ATP6V1E2: variants seen among roughly 807,000 people sequenced by gnomAD.
The protein encoded by ATP6V1E2 is ATPase H+ transporting V1 subunit E2, also known as V-type proton ATPase subunit E 2.
For synonymous variants in ATP6V1E2, 121 were observed against 104.2 expected (o/e 1.16, Z -0.98); for missense variants, 308 against 273.3 (o/e 1.13, Z -0.90).
rs1667417378 is a variant in ATP6V1E2 at position 46,535,834 on chromosome 2, C to G, written c.-123G>C. On this transcript the variant is annotated 5_prime_UTR_variant, in exon 4 of 5. Transcript: ENST00000522587. The surrounding 1 kb of genome is among the most constrained non-coding windows in gnomAD (Gnocchi z 4.4). ...TCACCATGTAGAAGATTCTTCAAAC[C>G]CAAAATGTGGTTCTGATGTCCAGTG... The G allele has an allele frequency of 6.6e-6, 1 of 152,218 alleles. No individual in the cohort carries two copies. Among genetic ancestry groups the G allele is most frequent in the Admixed American group, 6.5e-5 (1 of 15,294 alleles). The allele number at this position is 152,218 out of a possible 1,614,324, so 9.4% of individuals were successfully genotyped here.
At chr2:46,527,604 TG>T (rs750292031) in intron 4 of ATP6V1E2, among the ~76,000 whole-genome samples, 2 of 152,064 alleles carry the variant, frequency 1.3e-5, no homozygotes, top group Non-Finnish European at 2.9e-5. Context: ...TGGCCTCAAG[TG>T]ATCCTCCCCT....
At chr2:46,527,584 C>A (rs942108932) in intron 4 of ATP6V1E2, among the ~76,000 whole-genome samples, 4 of 151,982 alleles carry the variant, frequency 2.6e-5, no homozygotes, top group African/African-American at 7.3e-5. Context: ...CCAGGCTGGT[C>A]TTGAACTTTT....
rs199538504 is a variant in ATP6V1E2, at chr2:46,516,270, CAT to C, written c.-101-3460_-101-3459del. ...ATGGAACAGTCTTTAGGACAGATCA[CAT>C]GTTAGGTTATAAAACGAATCTCAAT... On this transcript the variant is annotated intron_variant, in intron 4 of 4. Transcript: ENST00000522587. 2.3e-3 allele frequency among the ~76,000 whole-genome samples: 354 copies of C among 152,324 alleles called. 3 individuals are homozygous for C. The highest frequency in any genetic ancestry group is 8.1e-3 in the African/African-American group (338 of 41,564).
rs549025385 is a variant in ATP6V1E2 at position 46,524,443 on chromosome 2, T to C, written c.-102+11370A>G. ...GGAAAATGTAGAAAGTTGGTAGTAT[T>C]TATTAAGCAGAATTTATCCAAATAG... On this transcript the variant is annotated intron_variant, in intron 4 of 4. Coordinates refer to ENST00000522587, the MANE Select transcript of ATP6V1E2 (RefSeq NM_001318063.2). Among the ~76,000 whole-genome samples, 12 of 152,354 alleles carry C rather than the reference T, an allele frequency of 7.9e-5. No individual in the cohort carries two copies. The East Asian group carries it at 1.9e-3, about 24-fold the overall frequency.
intron 2 of ATP6V1E2, among the ~76,000 whole-genome samples, chr2:46,538,505 G>A (rs28758711): frequency 6.8e-6 from 1 of 147,436 alleles, no homozygotes; most frequent in South Asian, 2.2e-4. Flanking sequence ...AAAAAAAAAA[G>A]GGGAAGATTT....
chr2:46,512,750 C>A lies in ATP6V1E2; in HGVS notation c.-39G>T. The A allele has an allele frequency of 6.4e-7, 1 of 1,552,594 alleles. No individual in the cohort carries two copies. The highest frequency in any genetic ancestry group is 8.7e-7 in the Non-Finnish European group (1 of 1,149,836). ...GGGGACGGCAGAGAGGGAGCTCGTACACCGTTTGGCTCCTTTGACTTAGGA... is the reference window on the plus strand; with the variant it reads ...GGGGACGGCAGAGAGGGAGCTCGTAAACCGTTTGGCTCCTTTGACTTAGGA... On this transcript the variant is annotated 5_prime_UTR_variant, in exon 5 of 5. Coordinates refer to ENST00000522587, the MANE Select transcript of ATP6V1E2 (RefSeq NM_001318063.2).
At chr2:46,533,933 A>G (rs775545304) in intron 4 of ATP6V1E2, among the ~76,000 whole-genome samples, 3 of 152,116 alleles carry the variant, frequency 2.0e-5, no homozygotes, top group East Asian at 1.9e-4. Flanking sequence ...GAAGTCTGCA[A>G]TTATATCTGT....
chr2:46,525,672 G>C (rs909377741), intron 4 of ATP6V1E2, among the ~76,000 whole-genome samples: 1 of 152,076 alleles, frequency 6.6e-6, no homozygotes, highest in Admixed American at 6.5e-5. Flanking sequence ...TTTATTCCAA[G>C]AACTCCACTC....
At position 46,533,073 on chromosome 2, in the gene ATP6V1E2, T is replaced by TTA. The variant is rs541930267; in HGVS notation, c.-102+2738_-102+2739dup. Among the ~76,000 whole-genome samples the TTA allele has an allele frequency of 4.9e-3, 725 of 148,956 alleles. 4 individuals carry two copies. Among genetic ancestry groups the TTA allele is most frequent in the Non-Finnish European group, 7.6e-3 (514 of 67,318 alleles). On this transcript the variant is annotated intron_variant, in intron 4 of 4. Coordinates refer to ENST00000522587, the MANE Select transcript of ATP6V1E2 (RefSeq NM_001318063.2). ...TCAATTGTGTTTTTTATTTTTTTAA[T>TTA]TATATATATATATCTAACATTATAT...
chr2:46,532,024 A>C (rs937197777), intron 4 of ATP6V1E2, among the ~76,000 whole-genome samples: 1 of 152,158 alleles, frequency 6.6e-6, no homozygotes, highest in African/African-American at 2.4e-5. Context: ...TGAAGCAGAA[A>C]AGTTTTGTAA....
At chr2:46,518,490 A>ACACACACACAC (rs1471974728) in intron 4 of ATP6V1E2, among the ~76,000 whole-genome samples, 18 of 141,014 alleles carry the variant, frequency 1.3e-4, no homozygotes, top group Admixed American at 1.0e-3. Context: ...ACACACACAC[A>ACACACACACAC]ACACACACAC....
chr2:46,533,510 G>A (rs1327630394), intron 4 of ATP6V1E2, among the ~76,000 whole-genome samples: 1 of 152,152 alleles, frequency 6.6e-6, no homozygotes. Context: ...TCCAGCTCAA[G>A]CAATATACCT....
intron 2 of ATP6V1E2, chr2:46,537,704 A>G (rs1249058421): frequency 2.0e-5 from 3 of 152,210 alleles, no homozygotes; most frequent in Non-Finnish European, 2.9e-5. Flanking sequence ...GTTCGAGTTG[A>G]ATTTTCTATG....
rs1324083032 is a variant in ATP6V1E2 at position 46,512,006 on chromosome 2, A to T, written c.*25T>A. The T allele has an allele frequency of 2.0e-6, 3 of 1,537,592 alleles. No homozygotes were observed. In the African/African-American group the frequency reaches 4.2e-5, roughly 21 times the overall value. On this transcript the variant is annotated 3_prime_UTR_variant, in exon 5 of 5. Coordinates refer to ENST00000522587, the MANE Select transcript of ATP6V1E2 (RefSeq NM_001318063.2). Reference sequence around the variant, plus strand: ...TTAAACTTTTATGGTTTAGTGGTTCAACACTAGCTTCACTTCCCAGAGGCT... The same window carrying T: ...TTAAACTTTTATGGTTTAGTGGTTCTACACTAGCTTCACTTCCCAGAGGCT...
chr2:46,524,287 C>G (rs182621809), intron 4 of ATP6V1E2, among the ~76,000 whole-genome samples: 51 of 152,042 alleles, frequency 3.4e-4, no homozygotes, highest in African/African-American at 1.1e-3. Context: ...TGGGTAACAA[C>G]AGAACACCAA....
chr2:46,522,930 G>C (rs6544899), intron 4 of ATP6V1E2, among the ~76,000 whole-genome samples: 134,647 of 152,184 alleles, frequency 0.88, 59,600 homozygotes, highest in Middle Eastern at 0.92. Flanking sequence ...TAATAATTGC[G>C]ATTCTGACTG....
chr2:46,540,522 A>C (rs1351917556), intron 2 of ATP6V1E2, among the ~76,000 whole-genome samples: 1 of 151,774 alleles, frequency 6.6e-6, no homozygotes, highest in Non-Finnish European at 1.5e-5. Flanking sequence ...GCACAAATAA[A>C]AGGAGAGAAG....
At chr2:46,532,415 T>G (rs1016463482) in intron 4 of ATP6V1E2, among the ~76,000 whole-genome samples, 6 of 152,098 alleles carry the variant, frequency 3.9e-5, no homozygotes, top group Non-Finnish European at 7.4e-5. Context: ...ATGTATGTAT[T>G]TATTTATTTA....
chr2:46,537,557 C>T (rs1363329062), intron 2 of ATP6V1E2: 1 of 150,992 alleles, frequency 6.6e-6, no homozygotes, highest in Non-Finnish European at 1.5e-5. Context: ...AGAAAGTTGA[C>T]TCATAGAGAA....
Sources: allele counts gnomAD v4.1 joint callset (sites outside exome capture counted in the v4.1 genomes callset), GRCh38; gene constraint gnomAD v4.1.1; non-coding constraint Gnocchi (gnomAD v3.1); transcripts MANE v1.5; gene names NCBI Gene and HGNC (gene_info 2026-07-23, HGNC 2026-07-21).